VPS54: variants seen among roughly 807,000 people sequenced by gnomAD.
VPS54 encodes VPS54 subunit of GARP complex.
In VPS54, 45 loss-of-function variants were observed where a neutral mutation model predicts 121.5. That is an observed-to-expected ratio of 0.37 (90% confidence interval 0.29 to 0.47). VPS54 has a LOEUF of 0.47. Among genes scored for constraint, VPS54 ranks in the 20% least tolerant of loss-of-function variants. The pLI is 0.99. For missense variants in VPS54, 1,090 were observed against 1,131.4 expected (o/e 0.96, Z 0.52); for synonymous variants, 371 against 385.8 (o/e 0.96, Z 0.45).
At chr2:63,981,911 T>C (rs201912168) in intron 2 of VPS54, 24 bp from the exon 3 acceptor site, 284 of 1,599,212 alleles carry the variant, frequency 1.8e-4, no homozygotes, top group Middle Eastern at 1.7e-4. Context: ...ACAAGAGAAC[T>C]CTGTAAATGC....
At chr2:63,917,414 T>C (rs1673434751) in intron 15 of VPS54, among the ~76,000 whole-genome samples, 1 of 152,102 alleles carries the variant, frequency 6.6e-6, no homozygotes, top group African/African-American at 2.4e-5. Context: ...CATTATAGAA[T>C]ACAAGTTAAT....
At chr2:63,902,980 C>CGACATAACAT (rs1672747717) in intron 20 of VPS54, among the ~76,000 whole-genome samples, 2 of 151,420 alleles carry the variant, frequency 1.3e-5, no homozygotes, top group African/African-American at 4.9e-5. Flanking sequence ...AATAACATAA[C>CGACATAACAT]AACATAACAT....
chr2:63,975,339 C>T (rs916400233), intron 3 of VPS54: 1 of 236,200 alleles, frequency 4.2e-6, no homozygotes, highest in African/African-American at 2.2e-5. Flanking sequence ...AAGATGATAA[C>T]AGTCCTTTCC....
chr2:64,017,741 CTTAAG>C (rs371796140), intron 1 of VPS54, among the ~76,000 whole-genome samples: 63 of 152,274 alleles, frequency 4.1e-4, no homozygotes, highest in African/African-American at 1.4e-3. Flanking sequence ...TGTAATAATT[CTTAAG>C]TTATCAGAAC....
chr2:63,948,589 T>A (rs954281346), intron 8 of VPS54, among the ~76,000 whole-genome samples: 2 of 151,754 alleles, frequency 1.3e-5, no homozygotes, highest in Non-Finnish European at 2.9e-5. Flanking sequence ...TTCGTAGAGA[T>A]GGAGTCTCCC....
At chr2:64,017,634 C>T (rs140635000) in intron 1 of VPS54, among the ~76,000 whole-genome samples, 5 of 152,264 alleles carry the variant, frequency 3.3e-5, no homozygotes, top group South Asian at 2.1e-4. Flanking sequence ...ACAGTCTTTA[C>T]GATTTGGTTG....
intron 10 of VPS54, among the ~76,000 whole-genome samples, chr2:63,944,325 T>C (rs999885178): frequency 1.4e-5 from 2 of 147,530 alleles, no homozygotes; most frequent in Non-Finnish European, 2.9e-5. Context: ...CTCCTCTAGC[T>C]CTCTAGTAAA....
intron 21 of VPS54, among the ~76,000 whole-genome samples, chr2:63,899,197 C>G (rs2104400332): frequency 6.6e-6 from 1 of 152,274 alleles, no homozygotes; most frequent in Admixed American, 6.5e-5. Flanking sequence ...ATGATGTAAG[C>G]AGAATCTGGG....
At chr2:64,013,546 GATAT>G (rs201322415) in intron 1 of VPS54, among the ~76,000 whole-genome samples, 3 of 145,480 alleles carry the variant, frequency 2.1e-5, no homozygotes, top group African/African-American at 7.6e-5. Context: ...AGTAAATGCT[GATAT>G]ATATATATGA....
At chr2:63,893,623 A>T in intron 22 of VPS54, 88 bp from the exon 23 acceptor site, 1 of 1,145,800 alleles carries the variant, frequency 8.7e-7, no homozygotes, top group Non-Finnish European at 1.2e-6. Flanking sequence ...TCAGAGTCCT[A>T]TTATCTAAAA....
chr2:64,013,475 A>G (rs11682249), intron 1 of VPS54, among the ~76,000 whole-genome samples: 49,620 of 151,240 alleles, frequency 0.33, 9,663 homozygotes, highest in Non-Finnish European at 0.43. Flanking sequence ...AAAAAGCTAT[A>G]AAGATTTTTG....
chr2:63,965,291 A>T (rs1246070257), intron 6 of VPS54, among the ~76,000 whole-genome samples: 1 of 152,120 alleles, frequency 6.6e-6, no homozygotes, highest in African/African-American at 2.4e-5. Context: ...CCTGGCCAAC[A>T]TGGTGAAACC....
chr2:63,963,464 C>T (rs1008047738), intron 6 of VPS54, among the ~76,000 whole-genome samples: 3 of 151,986 alleles, frequency 2.0e-5, no homozygotes, highest in Non-Finnish European at 2.9e-5. Flanking sequence ...GCTCAGACTT[C>T]GGGCATTATC....
intron 12 of VPS54, among the ~76,000 whole-genome samples, chr2:63,921,976 GA>G (rs2104453999): frequency 6.6e-6 from 1 of 152,334 alleles, no homozygotes; most frequent in African/African-American, 2.4e-5. Context: ...GTGGAAGCAA[GA>G]AGAGGGAAGG....
chr2:63,938,734 G>C lies in VPS54; in HGVS notation c.1398+3731C>G, dbSNP rs1433455204. On this transcript the variant is annotated intron_variant, in intron 11 of 22. Coordinates refer to ENST00000272322, the MANE Select transcript of VPS54 (RefSeq NM_016516.3). ...CCCACCTCAGCCTCCCAAAGTGCTG[G>C]GATTACAGGCGTGAGCCACCACGCC... Among the ~76,000 whole-genome samples, 5 of 152,158 alleles carry C rather than the reference G, an allele frequency of 3.3e-5. No individual in the cohort carries two copies. In the East Asian group the frequency reaches 5.8e-4, roughly 18 times the overall value.
At position 63,972,257 on chromosome 2, in the gene VPS54, C is replaced by G; in HGVS notation, c.379-13G>C. The G allele has an allele frequency of 6.4e-7, 1 of 1,551,052 alleles. No homozygotes were observed. Among genetic ancestry groups the G allele is most frequent in the Non-Finnish European group, 8.8e-7 (1 of 1,131,958 alleles). On this transcript the variant is annotated splice_polypyrimidine_tract_variant and intron_variant, in intron 3 of 22. Transcript: ENST00000272322. ...GAATCTTCTCTCTCTAATAAAAAGA[C>G]AAATAACATCATCAATGTATGTGTA...
chr2:63,927,597 C>T (rs962102144), intron 12 of VPS54, among the ~76,000 whole-genome samples: 14 of 152,116 alleles, frequency 9.2e-5, no homozygotes, highest in Admixed American at 2.0e-4. Context: ...GCCAGAATAC[C>T]TCTTCTCCTC....
chr2:63,990,743 A>G (rs1420786477), intron 1 of VPS54, among the ~76,000 whole-genome samples: 1 of 152,224 alleles, frequency 6.6e-6, no homozygotes, highest in Non-Finnish European at 1.5e-5. Context: ...CAAAGAAACA[A>G]GTGGATTAGA....
chr2:63,979,194 G>T (rs899354315), intron 3 of VPS54, among the ~76,000 whole-genome samples: 12 of 146,260 alleles, frequency 8.2e-5, no homozygotes, highest in South Asian at 2.2e-4. Flanking sequence ...TTTCTCTGTT[G>T]TTTCTCTAAT....
Sources: gnomAD v4.1 joint callset for allele counts (sites outside exome capture counted in the v4.1 genomes callset) on GRCh38, gnomAD v4.1.1 for gene constraint, MANE v1.5 for transcripts, NCBI Gene and HGNC (gene_info 2026-07-23, HGNC 2026-07-21) for gene names.